Variants in SLC22A23 observed in about 807,000 individuals in gnomAD.
SLC22A23 encodes the protein solute carrier family 22 member 23, also known as ion transporter protein.
SLC22A23 carries 26 observed loss-of-function variants against 61.0 expected under a neutral mutation model. The observed-to-expected ratio is 0.43, with a 90% CI of 0.31 to 0.59. SLC22A23 has a LOEUF of 0.59. SLC22A23 is among the 20% of genes least tolerant of loss of function. SLC22A23 has a pLI of 0.11. For synonymous variants in SLC22A23, 430 were observed against 413.9 expected, an observed-to-expected ratio of 1.04 and a Z score of -0.47; for missense variants, 796 against 934.7, an observed-to-expected ratio of 0.85 and a Z score of 1.94.
Position 3,347,728 on chromosome 6 carries a change from T to C in SLC22A23, c.914-23726A>G, listed in dbSNP as rs9503552. Among the ~76,000 whole-genome samples the C allele has an allele frequency of 7.8e-3, 1,194 of 152,290 alleles. 18 individuals carry two copies. The highest frequency in any genetic ancestry group is 0.028 in the African/African-American group (1,151 of 41,556). ...AATCTGATTTTTTTATGACTTCATA[T>C]TGAATTTTTTAAAAGTCTGATATTT... On this transcript the variant is annotated intron_variant, in intron 3 of 9. Coordinates refer to ENST00000406686, the MANE Select transcript of SLC22A23 (RefSeq NM_015482.2).
chr6:3,284,404 T>C (rs1280471142), intron 8 of SLC22A23, among the ~76,000 whole-genome samples: 1 of 152,166 alleles, frequency 6.6e-6, no homozygotes, highest in Admixed American at 6.5e-5. Flanking sequence ...AGCCACAGAA[T>C]TTATGGGCCC....
At chr6:3,361,852 C>T (rs542576330) in intron 3 of SLC22A23, among the ~76,000 whole-genome samples, 9 of 152,192 alleles carry the variant, frequency 5.9e-5, no homozygotes, top group Admixed American at 2.0e-4. Context: ...CCGGTTCTCA[C>T]GCTACGACCT....
intron 4 of SLC22A23, among the ~76,000 whole-genome samples, chr6:3,301,285 A>G (rs1761585243): frequency 6.6e-6 from 1 of 151,980 alleles, no homozygotes; most frequent in Non-Finnish European, 1.5e-5. Context: ...ATTATTATTA[A>G]TTTTCTCATA....
At position 3,452,147 on chromosome 6, in the gene SLC22A23, G is replaced by A. The variant is rs183088511; in HGVS notation, c.654+3759C>T. 2.0e-5 allele frequency among the ~76,000 whole-genome samples: 3 copies of A among 152,320 alleles called. No individual in the cohort carries two copies. The East Asian group carries it at 5.8e-4, about 29-fold the overall frequency. On this transcript the variant is annotated intron_variant, in intron 1 of 9. Coordinates refer to ENST00000406686, the MANE Select transcript of SLC22A23 (RefSeq NM_015482.2). Reference sequence around the variant, plus strand: ...ATTCAGTAGGTTAGGTGTATTAAATGTATTTTCCACTTTCAATATTTCCAA... The same window carrying A: ...ATTCAGTAGGTTAGGTGTATTAAATATATTTTCCACTTTCAATATTTCCAA...
rs1288947538 is a variant in SLC22A23, at chr6:3,297,460, T to C, written c.1210+631A>G. 6.6e-6 allele frequency among the ~76,000 whole-genome samples: 1 copy of C among 152,174 alleles called. No homozygotes were observed. The highest frequency in any genetic ancestry group is 2.4e-5 in the African/African-American group (1 of 41,434). On this transcript the variant is annotated intron_variant, in intron 5 of 9. Coordinates refer to ENST00000406686, the MANE Select transcript of SLC22A23 (RefSeq NM_015482.2). The surrounding 1 kb of genome is among the most constrained non-coding windows in gnomAD (Gnocchi z 4.3). The stretch of plus-strand genomic sequence containing the variant: ...ATTAGAAATGCAAGTTCTCAGGGCT[T>C]ATCCCAAATCTAACAGGTCAGGATC...
intron 3 of SLC22A23, among the ~76,000 whole-genome samples, chr6:3,382,306 T>C (rs1767001585): frequency 6.6e-6 from 1 of 152,208 alleles, no homozygotes. Flanking sequence ...CAGCCTAAAA[T>C]TCAAATCTCA....
chr6:3,431,066 C>CA (rs751754256), intron 1 of SLC22A23, among the ~76,000 whole-genome samples: 1,709 of 129,422 alleles, frequency 0.013, 43 homozygotes, highest in African/African-American at 0.049. Flanking sequence ...AACTCCGTCT[C>CA]AAAAAAAAAA....
rs1172134532 is a variant in SLC22A23, at chr6:3,286,971, C to T, written c.1434G>A (p.Val478=). The change falls in exon 7 of 10, where the codon GTG becomes GTA. Residue 478 remains valine (V), a synonymous_variant. Coordinates refer to ENST00000406686, the MANE Select transcript of SLC22A23 (RefSeq NM_015482.2). This position sits in a 1 kb window ranked among gnomAD's most constrained non-coding sequence, Gnocchi z 4.2. ...CCACCACGCACATGGCCAGGCAGGA[C>T]ACCAGCGCGATGCTGGCCGTGGTAT... The part of the protein sequence containing the change: ...DYYTTASIAL[V]SCLAMCVVVR... 1.2e-5 allele frequency: 20 copies of T among 1,614,006 alleles called. No individual in the cohort carries two copies. Among genetic ancestry groups the T allele is most frequent in the Middle Eastern group, 1.6e-4 (1 of 6,084 alleles).
In SLC22A23 at chr6:3,455,932, C is replaced by A. The variant is rs1350846861; in HGVS notation, c.628G>T (p.Gly210Cys). The A allele has an allele frequency of 1.3e-6, 2 of 1,518,554 alleles. No homozygotes were observed. Among genetic ancestry groups the A allele is most frequent in the African/African-American group, 2.8e-5 (2 of 72,576 alleles). 94.1% of individuals were successfully genotyped at this position (1,518,554 alleles called of 1,614,324 possible). ...TTGCTGACCACGTTCTGGACGAGGC[C>A]GGCGCGGATGCCGTAGTCCCATGCG... ...CRAWDYGIRA[G>C]LVQNVVSKWD... is the part of the protein sequence containing the mutation. Residue 210 changes from glycine (G) to cysteine (C), a missense_variant, in exon 1 of 10, where the codon GGC (glycine) becomes TGC (cysteine). Physicochemically the swap from Gly to Cys is radical, Grantham distance 159. Coordinates refer to ENST00000406686, the MANE Select transcript of SLC22A23 (RefSeq NM_015482.2).
At chr6:3,419,819 G>A (rs1581858911) in intron 1 of SLC22A23, among the ~76,000 whole-genome samples, 1 of 152,170 alleles carries the variant, frequency 6.6e-6, no homozygotes, top group South Asian at 2.1e-4. Flanking sequence ...TCTGTCATTT[G>A]CAAATTGAAC....
intron 3 of SLC22A23, among the ~76,000 whole-genome samples, chr6:3,345,513 G>A (rs1764384549): frequency 6.6e-6 from 1 of 151,894 alleles, no homozygotes; most frequent in Non-Finnish European, 1.5e-5. Context: ...TTACAGGTAT[G>A]CACCAACACA....
intron 9 of SLC22A23, among the ~76,000 whole-genome samples, chr6:3,274,766 T>C (rs978108328): frequency 6.6e-6 from 1 of 152,218 alleles, no homozygotes; most frequent in East Asian, 1.9e-4. Context: ...ATAAAATGTT[T>C]AGAAATAAAT....
rs1769655065 is a variant in SLC22A23 at position 3,415,801 on chromosome 6, G to A, written c.709C>T (p.Leu237=). The change falls in exon 2 of 10, where the codon CTG becomes TTG. Residue 237 remains leucine (L), a synonymous_variant. Transcript: ENST00000406686. ...AGGTAGCCAAAGATTAATCCAACCA[G>A]TAAGGAGAACTTAGCGATATGGACC... ...WKVHIAKFSL[L]VGLIFGYLIT... is the part of the protein sequence containing the mutation. The A allele has an allele frequency of 6.4e-7, 1 of 1,551,922 alleles. No homozygotes were observed. The highest frequency in any genetic ancestry group is 1.4e-5 in the African/African-American group (1 of 73,022).
In SLC22A23 at chr6:3,456,478, G is replaced by T; in HGVS notation, c.82C>A (p.Pro28Thr). ...GCCGAGGCCGCCGCGTCCCCGGGCG[G>T]CAGGGAGCCGTTCTCCTCGGCCGGG... ...PAPAEENGSL[P>T]PGDAAASAPL... The change falls in exon 1 of 10, where the codon CCG becomes ACG. Residue 28 changes from proline (P) to threonine (T), a missense_variant. Pro to Thr is a conservative substitution (Grantham distance 38). Coordinates refer to ENST00000406686, the MANE Select transcript of SLC22A23 (RefSeq NM_015482.2). This position sits in a 1 kb window ranked among gnomAD's most constrained non-coding sequence, Gnocchi z 7.1. The T allele has an allele frequency of 8.5e-7, 1 of 1,174,038 alleles. No individual in the cohort carries two copies. Among genetic ancestry groups the T allele is most frequent in the Non-Finnish European group, 1.0e-6 (1 of 953,740 alleles). 72.7% of individuals were successfully genotyped at this position (1,174,038 alleles called of 1,614,324 possible). A position where few individuals can be genotyped will look rare whatever the true frequency, so the allele number is the denominator to read the frequency against.
intron 2 of SLC22A23, among the ~76,000 whole-genome samples, chr6:3,413,560 A>G (rs991092409): frequency 2.6e-5 from 4 of 152,260 alleles, no homozygotes; most frequent in African/African-American, 9.6e-5. Flanking sequence ...CACCTGAGCT[A>G]GCAGATTCTA....
intron 1 of SLC22A23, among the ~76,000 whole-genome samples, chr6:3,420,039 A>G (rs1220708011): frequency 6.6e-6 from 1 of 152,214 alleles, no homozygotes; most frequent in African/African-American, 2.4e-5. Flanking sequence ...GTTTAACAAG[A>G]TCATAAAAGC....
intron 3 of SLC22A23, among the ~76,000 whole-genome samples, chr6:3,362,428 A>AAAAAAAAAAAAAAAAAAAAAAAC (rs1765532078): frequency 8.1e-6 from 1 of 123,478 alleles, no homozygotes; most frequent in Non-Finnish European, 1.7e-5. Context: ...AAAATAAAAA[A>AAAAAAAAAAAAAAAAAAAAAAAC]TAAAAAATAA....
At chr6:3,378,858 C>A (rs1410592007) in intron 3 of SLC22A23, among the ~76,000 whole-genome samples, 3 of 151,906 alleles carry the variant, frequency 2.0e-5, no homozygotes, top group Non-Finnish European at 4.4e-5. Context: ...GGGGTTTCAC[C>A]ATGTTGGCCA....
rs889293523 is a variant in SLC22A23 at position 3,270,269 on chromosome 6, T to C, written c.*2786A>G. On this transcript the variant is annotated 3_prime_UTR_variant, in exon 10 of 10. Coordinates refer to ENST00000406686, the MANE Select transcript of SLC22A23 (RefSeq NM_015482.2). ...CCAGGAAGGGAACAGCACAGAGGGG[T>C]TCAAGCGTGACAGACGGTGCTGGGA... 1 of 151,886 alleles carries C rather than the reference T, an allele frequency of 6.6e-6. No individual in the cohort carries two copies. Among genetic ancestry groups the C allele is most frequent in the African/African-American group, 2.4e-5 (1 of 41,262 alleles). 9.4% of individuals were successfully genotyped at this position (151,886 alleles called of 1,614,324 possible).
Sources: allele counts gnomAD v4.1 joint callset (sites outside exome capture counted in the v4.1 genomes callset), GRCh38; gene constraint gnomAD v4.1.1; non-coding constraint Gnocchi (gnomAD v3.1); transcripts MANE v1.5; gene names NCBI Gene and HGNC (gene_info 2026-07-23, HGNC 2026-07-21).